LRMDA: variants seen among roughly 807,000 people sequenced by gnomAD.
The protein encoded by LRMDA is leucine-rich melanocyte differentiation-associated protein.
In LRMDA, 18 loss-of-function variants were observed where a neutral mutation model predicts 29.8. The ratio of observed to expected loss-of-function variants is 0.60; its 90% CI spans 0.42 to 0.90. The LOEUF (loss-of-function observed/expected upper bound fraction) is 0.90. LRMDA is among the 40% of genes least tolerant of loss of function. The pLI is 0.00. For missense variants in LRMDA, 273 were observed against 273.9 expected (o/e 1.00, Z 0.02); for synonymous variants, 125 against 109.4 (o/e 1.14, Z -0.89).
At chr10:75,462,349 C>A (rs1333985685) in intron 2 of LRMDA, among the ~76,000 whole-genome samples, 1 of 152,144 alleles carries the variant, frequency 6.6e-6, no homozygotes, top group African/African-American at 2.4e-5. Flanking sequence ...TGAATTGGTG[C>A]CTTTACATCA....
intron 6 of LRMDA, among the ~76,000 whole-genome samples, chr10:76,325,468 A>G (rs1232964214): frequency 6.6e-6 from 1 of 152,208 alleles, no homozygotes; most frequent in Non-Finnish European, 1.5e-5. Flanking sequence ...AGGGAGAATA[A>G]GCAGCTGCCA....
At chr10:75,917,407 C>A (rs1054503085) in intron 2 of LRMDA, among the ~76,000 whole-genome samples, 3 of 152,162 alleles carry the variant, frequency 2.0e-5, no homozygotes, top group Non-Finnish European at 2.9e-5. Flanking sequence ...CCATGCTGTC[C>A]CCAGGCCTGT....
At chr10:75,892,942 CTGAGCAGCATAGACTTT>C (rs1291916598) in intron 2 of LRMDA, among the ~76,000 whole-genome samples, 2 of 152,200 alleles carry the variant, frequency 1.3e-5, no homozygotes, top group Non-Finnish European at 2.9e-5. Flanking sequence ...TAGAGAGGAA[CTGAGCAGCATAGACTTT>C]TGGGCAATGG....
chr10:76,107,098 G>A (rs984382844), intron 5 of LRMDA, among the ~76,000 whole-genome samples: 2 of 152,190 alleles, frequency 1.3e-5, no homozygotes, highest in African/African-American at 2.4e-5. Context: ...TTCTCTAGAA[G>A]GGGTGGGGGA....
chr10:75,796,847 G>A (rs1011285800), intron 2 of LRMDA, among the ~76,000 whole-genome samples: 20 of 152,254 alleles, frequency 1.3e-4, no homozygotes, highest in Admixed American at 3.9e-4. Context: ...TTACAGGCAT[G>A]AGCCACTGTG....
Position 75,795,699 on chromosome 10 carries a change from CATCTTTCACCTG to C in LRMDA, c.132-240308_132-240297del, listed in dbSNP as rs562189419. 1.4e-3 allele frequency among the ~76,000 whole-genome samples: 209 copies of C among 152,268 alleles called. No homozygotes were observed. The Middle Eastern group carries it at 0.054, about 40-fold the overall frequency. On this transcript the variant is annotated intron_variant, in intron 2 of 6. Coordinates refer to ENST00000611255, the MANE Select transcript of LRMDA (RefSeq NM_001305581.2). ...CTCCAAATTTGTATTTCTTTTGAAG[CATCTTTCACCTG>C]TTCTTTGGGTTTCCATATAAACTGA...
chr10:75,436,090 C>T (rs1844261495), intron 1 of LRMDA, among the ~76,000 whole-genome samples: 1 of 151,502 alleles, frequency 6.6e-6, no homozygotes, highest in Non-Finnish European at 1.5e-5. Context: ...AGAGAAATCT[C>T]ACACCCACAC....
At chr10:76,110,530 A>T (rs1849559852) in intron 5 of LRMDA, among the ~76,000 whole-genome samples, 2 of 152,096 alleles carry the variant, frequency 1.3e-5, no homozygotes, top group African/African-American at 4.8e-5. Flanking sequence ...GCCCCACCCA[A>T]ATCTCAACTT....
intron 6 of LRMDA, among the ~76,000 whole-genome samples, chr10:76,531,104 G>A (rs1416783545): frequency 5.9e-5 from 9 of 152,030 alleles, no homozygotes; most frequent in East Asian, 3.9e-4. Flanking sequence ...CCCCTACCCC[G>A]CCACTGTCAC....
chr10:75,921,410 C>A (rs967958947), intron 2 of LRMDA, among the ~76,000 whole-genome samples: 55 of 152,272 alleles, frequency 3.6e-4, no homozygotes, highest in African/African-American at 1.2e-3. Context: ...ATCACTGCTG[C>A]AGATATTCAT....
intron 2 of LRMDA, among the ~76,000 whole-genome samples, chr10:75,906,557 A>G (rs931737282): frequency 3.3e-5 from 5 of 152,192 alleles, no homozygotes; most frequent in South Asian, 2.1e-4. Flanking sequence ...AGCAAACCCA[A>G]TTAGTTTCTG....
At chr10:76,223,881 T>C (rs913232591) in intron 5 of LRMDA, among the ~76,000 whole-genome samples, 2 of 152,202 alleles carry the variant, frequency 1.3e-5, no homozygotes, top group Non-Finnish European at 2.9e-5. Flanking sequence ...CTTCTTTCAC[T>C]TCCTCTTTGG....
chr10:75,866,504 T>G (rs1459966101), intron 2 of LRMDA, among the ~76,000 whole-genome samples: 1 of 152,192 alleles, frequency 6.6e-6, no homozygotes, highest in African/African-American at 2.4e-5. Flanking sequence ...TTTTGCTGCT[T>G]CTTTGCTGAT....
chr10:76,044,336 A>G (rs77912175), intron 3 of LRMDA, among the ~76,000 whole-genome samples: 2,230 of 152,172 alleles, frequency 0.015, 42 homozygotes, highest in East Asian at 0.081. Context: ...GGGTATTGGA[A>G]GGGGACTTAG....
At chr10:76,256,614 C>A (rs1434764362) in intron 5 of LRMDA, among the ~76,000 whole-genome samples, 1 of 152,070 alleles carries the variant, frequency 6.6e-6, no homozygotes, top group Non-Finnish European at 1.5e-5. Flanking sequence ...GCAATTCAGG[C>A]AATTAAAGTG....
chr10:75,585,035 G>A (rs1840640356), intron 2 of LRMDA, among the ~76,000 whole-genome samples: 1 of 152,118 alleles, frequency 6.6e-6, no homozygotes, highest in Admixed American at 6.5e-5. Context: ...TGTCCAGCTC[G>A]ATTAATTATC....
chr10:76,392,481 G>A (rs1564528760), intron 6 of LRMDA, among the ~76,000 whole-genome samples: 2 of 151,836 alleles, frequency 1.3e-5, no homozygotes. Context: ...CATTTTTTGG[G>A]ATTTTAGAAT....
At chr10:76,418,403 A>G (rs1298451238) in intron 6 of LRMDA, among the ~76,000 whole-genome samples, 2 of 151,758 alleles carry the variant, frequency 1.3e-5, no homozygotes, top group African/African-American at 4.8e-5. Flanking sequence ...ATTTATATGT[A>G]TATGATTTTT....
intron 2 of LRMDA, among the ~76,000 whole-genome samples, chr10:75,728,389 T>C (rs944340270): frequency 1.3e-5 from 2 of 151,912 alleles, no homozygotes; most frequent in Admixed American, 6.6e-5. Context: ...CCCTTGAACA[T>C]TTATCATGTG....
Sources: allele counts gnomAD v4.1 joint callset (sites outside exome capture counted in the v4.1 genomes callset), GRCh38; gene constraint gnomAD v4.1.1; transcripts MANE v1.5; gene names NCBI Gene and HGNC (gene_info 2026-07-23, HGNC 2026-07-21).